PAPPA2: variants seen among roughly 807,000 people sequenced by gnomAD.
PAPPA2 encodes the protein pappalysin-2.
PAPPA2 carries 86 observed loss-of-function variants against 176.4 expected under a neutral mutation model. The ratio of observed to expected loss-of-function variants is 0.49; its 90% CI spans 0.41 to 0.58. The LOEUF is 0.58. Ranked by LOEUF, PAPPA2 falls within the 20% of genes least tolerant of loss-of-function variation. The pLI is 0.00. For missense variants in PAPPA2, 2,073 were observed against 2,256.9 expected (o/e 0.92, Z 1.65); for synonymous variants, 809 against 852.2 (o/e 0.95, Z 0.88).
At chr1:176,554,804 T>C (rs1262955780) in intron 1 of PAPPA2, among the ~76,000 whole-genome samples, 1 of 152,236 alleles carries the variant, frequency 6.6e-6, no homozygotes, top group Non-Finnish European at 1.5e-5. Context: ...CTTTCTCCCA[T>C]GTCCGATTTA....
chr1:176,467,997 G>C (rs535792439), intron 1 of PAPPA2, among the ~76,000 whole-genome samples: 1 of 152,290 alleles, frequency 6.6e-6, no homozygotes, highest in African/African-American at 2.4e-5. Flanking sequence ...AGGCAGTAAA[G>C]GGTGTGAGAT....
chr1:176,491,089 T>C (rs149619596), intron 1 of PAPPA2, among the ~76,000 whole-genome samples: 129 of 152,318 alleles, frequency 8.5e-4, no homozygotes, highest in Non-Finnish European at 1.5e-3. Context: ...TTCATAACCT[T>C]GTTGAAGACT....
intron 3 of PAPPA2, among the ~76,000 whole-genome samples, chr1:176,656,485 C>T (rs1658039833): frequency 6.6e-6 from 1 of 151,810 alleles, no homozygotes. Context: ...TGATGATAAG[C>T]TCTCGGGGCC....
At chr1:176,709,484 G>GA (rs1661041503) in intron 10 of PAPPA2, among the ~76,000 whole-genome samples, 1 of 152,130 alleles carries the variant, frequency 6.6e-6, no homozygotes, top group African/African-American at 2.4e-5. Context: ...TCACGCAGTT[G>GA]AAGAAACACA....
intron 12 of PAPPA2, among the ~76,000 whole-genome samples, chr1:176,723,450 A>G (rs1661717549): frequency 6.8e-6 from 1 of 147,836 alleles, no homozygotes; most frequent in South Asian, 2.2e-4. Context: ...AATAATTTAG[A>G]AAGTGATTTT....
chr1:176,660,332 TTGTTTGTGTG>T (rs1479607381), intron 3 of PAPPA2, among the ~76,000 whole-genome samples: 1 of 82,824 alleles, frequency 1.2e-5, no homozygotes, highest in Non-Finnish European at 2.6e-5. Context: ...TAGTAATTGT[TTGTTTGTGTG>T]TGTGTGTGTG....
At chr1:176,499,075 A>G (rs1647808152) in intron 1 of PAPPA2, among the ~76,000 whole-genome samples, 1 of 152,160 alleles carries the variant, frequency 6.6e-6, no homozygotes, top group South Asian at 2.1e-4. Flanking sequence ...ATATTGGGTG[A>G]CGCAGAGGTG....
chr1:176,769,944 CT>C (rs1664149966), intron 16 of PAPPA2, among the ~76,000 whole-genome samples, 160 bp downstream of exon 16: 1 of 152,188 alleles, frequency 6.6e-6, no homozygotes, highest in African/African-American at 2.4e-5. Flanking sequence ...GGCAACACCA[CT>C]CTTTGTCCCC....
In PAPPA2 at chr1:176,739,606, A is replaced by G. The variant is rs1279709198; in HGVS notation, c.3799-20A>G. The G allele has an allele frequency of 1.9e-6, 3 of 1,607,294 alleles. No homozygotes were observed. Among genetic ancestry groups the G allele is most frequent in the Non-Finnish European group, 8.5e-7 (1 of 1,176,076 alleles). On this transcript the variant is annotated intron_variant, in intron 12 of 22. Coordinates refer to ENST00000367662, the MANE Select transcript of PAPPA2 (RefSeq NM_020318.3). Reference sequence around the variant, plus strand: ...GCTCAATGGAAATAATGACTTATACATAAATGTGCTTATGCTTAGGTGTGT... The same window carrying G: ...GCTCAATGGAAATAATGACTTATACGTAAATGTGCTTATGCTTAGGTGTGT...
intron 3 of PAPPA2, among the ~76,000 whole-genome samples, chr1:176,654,782 C>A (rs995707011): frequency 3.3e-5 from 5 of 151,768 alleles, no homozygotes; most frequent in African/African-American, 1.2e-4. Context: ...TGTGTACAGA[C>A]CTTTCACTTA....
At chr1:176,541,170 A>G (rs900623847) in intron 1 of PAPPA2, among the ~76,000 whole-genome samples, 1 of 152,218 alleles carries the variant, frequency 6.6e-6, no homozygotes, top group Non-Finnish European at 1.5e-5. Flanking sequence ...CTGTGTATAT[A>G]TAGGGGACAC....
Position 176,766,148 on chromosome 1 carries a change from A to G in PAPPA2, c.4323+311A>G, listed in dbSNP as rs376961222. On this transcript the variant is annotated intron_variant, in intron 15 of 22. Coordinates refer to ENST00000367662, the MANE Select transcript of PAPPA2 (RefSeq NM_020318.3). The stretch of plus-strand genomic sequence containing the variant: ...TTAAGATGAGAATGCCAAAGTTCAG[A>G]CTTGTCTGTAATTTTCAGGAAAGAC... Among the ~76,000 whole-genome samples the G allele has an allele frequency of 3.9e-5, 6 of 152,256 alleles. 1 individual carries two copies. Among genetic ancestry groups the G allele is most frequent in the Admixed American group, 1.3e-4 (2 of 15,294 alleles).
intron 3 of PAPPA2, among the ~76,000 whole-genome samples, chr1:176,631,843 A>C (rs1656356401): frequency 6.6e-6 from 1 of 152,164 alleles, no homozygotes; most frequent in Admixed American, 6.5e-5. Context: ...ACCACAGAAC[A>C]TTTTCATATG....
In PAPPA2 at chr1:176,594,588, G is replaced by T. The variant is rs1247873297; in HGVS notation, c.984G>T (p.Gly328=). 4.3e-6 allele frequency: 7 copies of T among 1,614,096 alleles called. No homozygotes were observed. In the African/African-American group the frequency reaches 9.3e-5, roughly 22 times the overall value. ...DKGWALGIRS[G]KDKGKRDARF... ...GCTGGGCCCTGGGGATCCGCTCAGG[G>T]AAGGACAAGGGAAAGCGGGATGCTC... The change falls in exon 3 of 23, where the codon GGG becomes GGT. Residue 328 remains glycine, a synonymous_variant. Transcript: ENST00000367662.
At chr1:176,611,487 TTTTCCATAGATTTTA>T (rs1312000633) in intron 3 of PAPPA2, among the ~76,000 whole-genome samples, 1 of 152,190 alleles carries the variant, frequency 6.6e-6, no homozygotes, top group African/African-American at 2.4e-5. Context: ...GTTCTACCCC[TTTTCCATAGATTTTA>T]ATATAATGGG....
intron 3 of PAPPA2, among the ~76,000 whole-genome samples, chr1:176,647,466 G>A (rs984789885): frequency 2.6e-5 from 4 of 151,334 alleles, no homozygotes; most frequent in Admixed American, 6.6e-5. Flanking sequence ...CCTGTGGGGT[G>A]TGACTCAAGA....
Position 176,640,214 on chromosome 1 carries a change from T to C in PAPPA2, c.1992-30756T>C, listed in dbSNP as rs537389556. ...TTATTTATTTATTATTATTATACTT[T>C]AAGTTTTAGGGTACATGTGCACAAT... On this transcript the variant is annotated intron_variant, in intron 3 of 22. Coordinates refer to ENST00000367662, the MANE Select transcript of PAPPA2 (RefSeq NM_020318.3). 4.2e-3 allele frequency among the ~76,000 whole-genome samples: 632 copies of C among 151,550 alleles called. 5 individuals carry two copies. Among genetic ancestry groups the C allele is most frequent in the Admixed American group, 1.0e-2 (152 of 15,220 alleles).
At chr1:176,539,051 G>A (rs1306749269) in intron 1 of PAPPA2, among the ~76,000 whole-genome samples, 4 of 152,190 alleles carry the variant, frequency 2.6e-5, no homozygotes, top group East Asian at 1.9e-4. Flanking sequence ...TGAGTGAAAC[G>A]GAGATTCAAG....
intron 1 of PAPPA2, among the ~76,000 whole-genome samples, chr1:176,470,807 G>A (rs1420435687): frequency 2.0e-5 from 3 of 152,152 alleles, no homozygotes; most frequent in East Asian, 3.8e-4. Flanking sequence ...TCCAAGTGGC[G>A]TCTCTTCTAA....
Sources: allele counts gnomAD v4.1 joint callset (sites outside exome capture counted in the v4.1 genomes callset), GRCh38; gene constraint gnomAD v4.1.1; transcripts MANE v1.5; gene names NCBI Gene and HGNC (gene_info 2026-07-23, HGNC 2026-07-21).